Variants in GJA5 observed in about 807,000 individuals in gnomAD.
The protein encoded by GJA5 is gap junction protein alpha 5, also known as gap junction alpha-5 protein.
GJA5 carries 3 observed loss-of-function variants against 7.9 expected under a neutral mutation model. That is an observed-to-expected ratio of 0.38 (90% CI 0.17 to 0.99). The LOEUF (loss-of-function observed/expected upper bound fraction) is 0.99, where lower values mean the gene tolerates loss of function less well. Ranked by LOEUF, GJA5 falls within the 50% of genes least tolerant of loss-of-function variation. The probability of loss-of-function intolerance (pLI) is 0.38; values close to 1 mark genes in which losing one functional copy is unlikely to be tolerated. For synonymous variants in GJA5, 193 were observed against 181.0 expected (o/e 1.07, Z -0.53); for missense variants, 390 against 457.9 (o/e 0.85, Z 1.35).
In GJA5 at chr1:147,757,916, T is replaced by C; in HGVS notation, c.*246A>G. The C allele has an allele frequency of 9.1e-6, 5 of 549,168 alleles. No homozygotes were observed. The South Asian group carries it at 1.0e-4, about 11-fold the overall frequency. 34.0% of individuals were successfully genotyped at this position (549,168 alleles called of 1,614,324 possible). ...CCTCTACCCTGTTTCATGAGTAATC[T>C]GAAAGGCTTCGTATACTGGGTAGAG... On this transcript the variant is annotated 3_prime_UTR_variant, in exon 2 of 2. Coordinates refer to ENST00000579774, the MANE Select transcript of GJA5 (RefSeq NM_181703.4).
intron 1 of GJA5, among the ~76,000 whole-genome samples, chr1:147,769,222 C>T (rs1553228661): frequency 6.6e-6 from 1 of 152,262 alleles, no homozygotes; most frequent in Non-Finnish European, 1.5e-5. Flanking sequence ...AGCAAGTGTT[C>T]TTGGCTGCAG....
chr1:147,771,082 G>T (rs138906457), intron 1 of GJA5, among the ~76,000 whole-genome samples: 1 of 152,106 alleles, frequency 6.6e-6, no homozygotes, highest in Non-Finnish European at 1.5e-5. Flanking sequence ...CCCTGAAAAC[G>T]GCAGGTCATC....
chr1:147,772,759 A>AT (rs1233868206), intron 1 of GJA5, among the ~76,000 whole-genome samples: 2 of 126,738 alleles, frequency 1.6e-5, no homozygotes, highest in Non-Finnish European at 3.1e-5. Flanking sequence ...AGCAGGGAAT[A>AT]TTTTTAAACC....
At chr1:147,771,199 C>G (rs929667252) in intron 1 of GJA5, among the ~76,000 whole-genome samples, 48 of 152,206 alleles carry the variant, frequency 3.2e-4, no homozygotes, top group Admixed American at 8.5e-4. Context: ...CCTCCACTGC[C>G]TGTGCCCCAC....
chr1:147,766,039 G>C (rs1300038899), intron 1 of GJA5, among the ~76,000 whole-genome samples: 1 of 152,076 alleles, frequency 6.6e-6, no homozygotes, highest in African/African-American at 2.4e-5. Context: ...ACACATAATA[G>C]CCTTTCTAAT....
At chr1:147,763,725 A>G (rs782392207), upstream of GJA5, among the ~76,000 whole-genome samples, 35 of 152,242 alleles carry the variant, frequency 2.3e-4, no homozygotes, top group Non-Finnish European at 4.8e-4. Context: ...TATAGTGAGC[A>G]TGAATCATTT....
Position 147,756,749 on chromosome 1 carries a change from A to G in GJA5, c.*1413T>C, listed in dbSNP as rs2148957707. On this transcript the variant is annotated 3_prime_UTR_variant, in exon 2 of 2. Transcript: ENST00000579774. ...TTAATAATGTAATAATCCCTCTATA[A>G]GTCTCAGTTTCCAATTCCAAGCATC... is the stretch of plus-strand genomic sequence containing the variant. 1 of 152,376 alleles carries G rather than the reference A, an allele frequency of 6.6e-6. No individual in the cohort carries two copies. The highest frequency in any genetic ancestry group is 2.1e-4 in the South Asian group (1 of 4,826). The allele number at this position is 152,376 out of a possible 1,614,324, so 9.4% of individuals were successfully genotyped here.
At chr1:147,764,258 T>C (rs1187323133), upstream of GJA5, among the ~76,000 whole-genome samples, 50 of 152,334 alleles carry the variant, frequency 3.3e-4, no homozygotes, top group Non-Finnish European at 2.4e-4. Context: ...TCTTCTAAAA[T>C]TGACCTCAGC....
upstream of GJA5, among the ~76,000 whole-genome samples, chr1:147,762,485 C>G (rs587716766): frequency 2.0e-5 from 3 of 152,124 alleles, no homozygotes; most frequent in African/African-American, 7.2e-5. Flanking sequence ...GGAATTCCAC[C>G]TGGAAGAGGT....
chr1:147,771,912 T>C (rs1664418396), intron 1 of GJA5, among the ~76,000 whole-genome samples: 1 of 152,098 alleles, frequency 6.6e-6, no homozygotes, highest in Non-Finnish European at 1.5e-5. Flanking sequence ...GAGCAGTGAA[T>C]CAAGGACTGG....
intron 1 of GJA5, among the ~76,000 whole-genome samples, chr1:147,766,621 T>TAC (rs1461168701): frequency 3.9e-5 from 6 of 152,186 alleles, no homozygotes; most frequent in Admixed American, 1.3e-4. Context: ...CACTGTGGAC[T>TAC]ACTCTCTCAC....
chr1:147,768,998 C>G (rs1553228630), intron 1 of GJA5, among the ~76,000 whole-genome samples: 1 of 152,236 alleles, frequency 6.6e-6, no homozygotes, highest in African/African-American at 2.4e-5. Flanking sequence ...TTATCATCAT[C>G]TATTTTTCCC....
At chr1:147,771,645 G>T (rs1025795393) in intron 1 of GJA5, among the ~76,000 whole-genome samples, 1 of 152,208 alleles carries the variant, frequency 6.6e-6, no homozygotes, top group Admixed American at 6.5e-5. Flanking sequence ...ACAAAGCAGG[G>T]CAGCCTGATT....
At chr1:147,765,446 T>C (rs968748783), upstream of GJA5, among the ~76,000 whole-genome samples, 1 of 152,312 alleles carries the variant, frequency 6.6e-6, no homozygotes, top group Admixed American at 6.5e-5. Context: ...TCATCAATTC[T>C]TAGACCTTCG....
At position 147,758,418 on chromosome 1, in the gene GJA5, C is replaced by T. The variant is rs370225026; in HGVS notation, c.821G>A (p.Gly274Asp). ...GGGATTGAAGAATTTTCCCCCAGGG[C>T]CATTCTCCAGGCACTGATTAAAGTC... ...PPDFNQCLEN[G>D]PGGKFFNPFS... is the part of the protein sequence containing the mutation. The change falls in exon 2 of 2, where the codon GGC becomes GAC. Residue 274 changes from glycine to aspartate, a missense_variant. Physicochemically the swap from Gly to Asp is moderately conservative, Grantham distance 94. Coordinates refer to ENST00000579774, the MANE Select transcript of GJA5 (RefSeq NM_181703.4). The T allele has an allele frequency of 6.2e-7, 1 of 1,614,010 alleles. No individual in the cohort carries two copies. Among genetic ancestry groups the T allele is most frequent in the Non-Finnish European group, 8.5e-7 (1 of 1,179,988 alleles).
At chr1:147,770,422 A>C (rs1429813195) in intron 1 of GJA5, among the ~76,000 whole-genome samples, 1 of 152,012 alleles carries the variant, frequency 6.6e-6, no homozygotes, top group Admixed American at 6.5e-5. Flanking sequence ...AGAGGACAGC[A>C]GAAGGAGTCC....
In GJA5 at chr1:147,758,906, G is replaced by A. The variant is rs782181477; in HGVS notation, c.333C>T (p.Ala111=). The A allele has an allele frequency of 2.5e-6, 4 of 1,614,096 alleles. No individual in the cohort carries two copies. In the South Asian group the frequency reaches 3.3e-5, roughly 13 times the overall value. Reference sequence around the variant, plus strand: ...AGCCCCGGACCTCTTTGGCCCTCTCGGCCTCCCGTAGCTTGCGCTTCTCCT... The same window carrying A: ...AGCCCCGGACCTCTTTGGCCCTCTCAGCCTCCCGTAGCTTGCGCTTCTCCT... ...RMQEKRKLRE[A]ERAKEVRGSG... is the part of the protein sequence containing the mutation. The change falls in exon 2 of 2, where the codon GCC becomes GCT. Residue 111 remains alanine (A), a synonymous_variant. Coordinates refer to ENST00000579774, the MANE Select transcript of GJA5 (RefSeq NM_181703.4).
intron 1 of GJA5, among the ~76,000 whole-genome samples, chr1:147,771,779 C>T (rs1377585740): frequency 6.6e-6 from 1 of 152,220 alleles, no homozygotes; most frequent in Non-Finnish European, 1.5e-5. Context: ...GTCATTGGGA[C>T]TCCTCACTGG....
intron 1 of GJA5, among the ~76,000 whole-genome samples, chr1:147,769,926 C>A (rs1553228800): frequency 6.6e-6 from 1 of 151,716 alleles, no homozygotes; most frequent in African/African-American, 2.4e-5. Context: ...AAAATGTATG[C>A]CTCATGGGAT....
Sources: allele counts gnomAD v4.1 joint callset (sites outside exome capture counted in the v4.1 genomes callset), GRCh38; gene constraint gnomAD v4.1.1; transcripts MANE v1.5; gene names NCBI Gene and HGNC (gene_info 2026-07-23, HGNC 2026-07-21).